The following CUTC variants were observed in gnomAD, a reference collection of about 807,000 sequenced individuals.
CUTC encodes the protein cutC copper transporter.
Under a neutral mutation model 36.2 loss-of-function variants are expected in CUTC, and 27 were observed. The observed-to-expected ratio is 0.75, with a 90% CI of 0.55 to 1.03. The LOEUF is 1.03. Ranked by LOEUF, CUTC falls within the 50% of genes least tolerant of loss-of-function variation. The pLI is 0.00. For missense variants in CUTC, 315 were observed against 343.5 expected, an observed-to-expected ratio of 0.92 and a Z score of 0.66; for synonymous variants, 114 against 118.3, an observed-to-expected ratio of 0.96 and a Z score of 0.24.
Position 99,755,876 on chromosome 10 carries a change from A to T in CUTC, c.*137A>T. On this transcript the variant is annotated 3_prime_UTR_variant, in exon 9 of 9. Transcript: ENST00000370476. ...TGTTTTAAGTTTCACATGGCCATGG[A>T]GAATGTGCCCAAGAAGAAAAAGAAT... is the stretch of plus-strand genomic sequence containing the variant. The T allele has an allele frequency of 3.4e-6, 2 of 584,104 alleles. No individual in the cohort carries two copies. The highest frequency in any genetic ancestry group is 3.0e-6 in the Non-Finnish European group (1 of 330,162). 36.2% of individuals were successfully genotyped at this position (584,104 alleles called of 1,614,324 possible). A position where few individuals can be genotyped will look rare whatever the true frequency, so the allele number is the denominator to read the frequency against.
At position 99,732,243 on chromosome 10, in the gene CUTC, G is replaced by T; in HGVS notation, c.-106G>T. 1.3e-6 allele frequency: 2 copies of T among 1,523,594 alleles called. No homozygotes were observed. Among genetic ancestry groups the T allele is most frequent in the Non-Finnish European group, 1.8e-6 (2 of 1,135,102 alleles). 94.4% of individuals were successfully genotyped at this position (1,523,594 alleles called of 1,614,324 possible). A position where few individuals can be genotyped will look rare whatever the true frequency, so the allele number is the denominator to read the frequency against. The stretch of plus-strand genomic sequence containing the variant: ...CTGCTGGGGCGTAGGTGTCGGGGAC[G>T]CGCGCACGGGCGCGCGCAGCTGTTG... On this transcript the variant is annotated 5_prime_UTR_variant, in exon 1 of 9. Coordinates refer to ENST00000370476, the MANE Select transcript of CUTC (RefSeq NM_015960.3).
intron 7 of CUTC, 34 bp downstream of exon 7, chr10:99,750,430 A>C (rs545506323): frequency 6.4e-7 from 1 of 1,563,648 alleles, no homozygotes; most frequent in East Asian, 2.3e-5. Flanking sequence ...CTAGCATAAC[A>C]CTGAACTATA....
At chr10:99,733,112 C>A (rs1424207538) in intron 1 of CUTC, among the ~76,000 whole-genome samples, 1 of 152,070 alleles carries the variant, frequency 6.6e-6, no homozygotes, top group Non-Finnish European at 1.5e-5. Flanking sequence ...AGTTCGAGAC[C>A]AGCCTGGCCA....
chr10:99,748,665 G>A (rs114774409), intron 6 of CUTC, among the ~76,000 whole-genome samples: 116 of 152,300 alleles, frequency 7.6e-4, no homozygotes, highest in African/African-American at 2.6e-3. Flanking sequence ...TTGGGGAAAT[G>A]AAGGTTGGCA....
chr10:99,734,505 TAAAGA>T (rs1172086217), intron 1 of CUTC, among the ~76,000 whole-genome samples: 3 of 152,042 alleles, frequency 2.0e-5, no homozygotes, highest in African/African-American at 2.4e-5. Flanking sequence ...AATAAAGCAA[TAAAGA>T]AAAGTAAAAA....
At chr10:99,739,841 G>T (rs1030500696) in intron 3 of CUTC, 72 bp downstream of exon 3, 3 of 1,226,612 alleles carry the variant, frequency 2.4e-6, no homozygotes, top group Non-Finnish European at 3.5e-6. Flanking sequence ...AATCAGTTTC[G>T]TTGGGGTCCT....
intron 7 of CUTC, 30 bp from the exon 8 acceptor site, chr10:99,754,499 A>T: frequency 7.3e-7 from 1 of 1,377,712 alleles, no homozygotes; most frequent in Non-Finnish European, 1.0e-6. Context: ...ATTCTATTTT[A>T]CTTAATGTGT....
intron 2 of CUTC, among the ~76,000 whole-genome samples, chr10:99,739,161 T>C (rs1338244560): frequency 6.6e-6 from 1 of 152,166 alleles, no homozygotes; most frequent in African/African-American, 2.4e-5. Flanking sequence ...TTCTGCTTAT[T>C]GATGAACAAA....
At chr10:99,735,613 G>A (rs1487286923) in intron 1 of CUTC, among the ~76,000 whole-genome samples, 1 of 152,160 alleles carries the variant, frequency 6.6e-6, no homozygotes, top group African/African-American at 2.4e-5. Flanking sequence ...TTACCATGTT[G>A]GCCAGGCTGA....
intron 1 of CUTC, among the ~76,000 whole-genome samples, chr10:99,735,589 G>T (rs1187242467): frequency 1.3e-5 from 2 of 152,116 alleles, no homozygotes; most frequent in South Asian, 4.1e-4. Flanking sequence ...TGTATTTTTA[G>T]TAGAGACAGG....
intron 7 of CUTC, among the ~76,000 whole-genome samples, chr10:99,751,595 C>T (rs1013429995): frequency 6.6e-6 from 1 of 152,162 alleles, no homozygotes; most frequent in African/African-American, 2.4e-5. Context: ...CAGTGGCTCA[C>T]GCCTGTAATC....
chr10:99,738,919 T>G lies in CUTC; in HGVS notation c.134-791T>G, dbSNP rs573390132. On this transcript the variant is annotated intron_variant, in intron 2 of 8. Coordinates refer to ENST00000370476, the MANE Select transcript of CUTC (RefSeq NM_015960.3). ...AGGGGTTGCAAAATGGTGACATTTA[T>G]TTTTCACTTATGAACTAGAATAGTT... Among the ~76,000 whole-genome samples, 6 of 152,272 alleles carry G rather than the reference T, an allele frequency of 3.9e-5. No homozygotes were observed. The East Asian group carries it at 1.2e-3, about 29-fold the overall frequency.
At chr10:99,737,923 C>T (rs937565799) in intron 2 of CUTC, among the ~76,000 whole-genome samples, 1 of 152,016 alleles carries the variant, frequency 6.6e-6, no homozygotes, top group African/African-American at 2.4e-5. Context: ...CCGAGGCGGG[C>T]GGATCACCTG....
intron 2 of CUTC, among the ~76,000 whole-genome samples, chr10:99,736,769 T>C (rs1197855470): frequency 3.9e-5 from 6 of 152,044 alleles, no homozygotes; most frequent in Admixed American, 2.0e-4. Context: ...TATGGAAAAA[T>C]AAACATATAC....
intron 4 of CUTC, among the ~76,000 whole-genome samples, chr10:99,743,580 G>A (rs537109046): frequency 4.8e-4 from 73 of 152,212 alleles, no homozygotes; most frequent in African/African-American, 1.7e-3. Flanking sequence ...ATTAGGCTCC[G>A]CTACTGTTCC....
intron 2 of CUTC, 47 bp downstream of exon 2, chr10:99,736,364 G>A (rs773243458): frequency 3.6e-6 from 5 of 1,400,184 alleles, no homozygotes; most frequent in Non-Finnish European, 3.0e-6. Context: ...CCTTTTAAGA[G>A]TCTGAAAATT....
chr10:99,742,594 T>C (rs1419225224), intron 3 of CUTC, among the ~76,000 whole-genome samples: 1 of 152,178 alleles, frequency 6.6e-6, no homozygotes, highest in Admixed American at 6.5e-5. Flanking sequence ...CCTTATACTA[T>C]TGATGGTTTA....
intron 1 of CUTC, among the ~76,000 whole-genome samples, chr10:99,732,932 G>T (rs2037233909): frequency 6.6e-6 from 1 of 152,216 alleles, no homozygotes; most frequent in Non-Finnish European, 1.5e-5. Flanking sequence ...AGGTGCCAGA[G>T]AATTTGGCAA....
At chr10:99,734,364 A>G (rs2037275279) in intron 1 of CUTC, among the ~76,000 whole-genome samples, 1 of 152,116 alleles carries the variant, frequency 6.6e-6, no homozygotes, top group Non-Finnish European at 1.5e-5. Context: ...ACCGCGCCGG[A>G]CAGGGACTGA....
Sources: allele counts gnomAD v4.1 joint callset (sites outside exome capture counted in the v4.1 genomes callset), GRCh38; gene constraint gnomAD v4.1.1; transcripts MANE v1.5; gene names NCBI Gene and HGNC (gene_info 2026-07-23, HGNC 2026-07-21).